The following RARB variants were observed in gnomAD, a reference collection of about 807,000 sequenced individuals.
RARB encodes the protein retinoic acid receptor beta.
RARB carries 17 observed loss-of-function variants against 51.9 expected under a neutral mutation model. That is an observed-to-expected ratio of 0.33 (90% CI 0.22 to 0.49). The LOEUF is 0.49. RARB is among the 20% of genes least tolerant of loss of function. The pLI, the probability that RARB is intolerant of heterozygous loss-of-function variation, is 0.99. For synonymous variants in RARB, 215 were observed against 195.4 expected (o/e 1.10, Z -0.84); for missense variants, 369 against 550.8 (o/e 0.67, Z 3.30).
At chr3:24,865,864 G>T (rs1395724999) in intron 2 of RARB, among the ~76,000 whole-genome samples, 11 of 152,112 alleles carry the variant, frequency 7.2e-5, no homozygotes, top group African/African-American at 2.7e-4. Flanking sequence ...CCTGAGACAT[G>T]TTGGGTCAGT....
chr3:25,163,811 A>C (rs774854257), intron 4 of RARB, among the ~76,000 whole-genome samples: 2 of 152,070 alleles, frequency 1.3e-5, no homozygotes, highest in African/African-American at 4.8e-5. Flanking sequence ...ACTCTATTCC[A>C]CTAAATTCAG....
At chr3:25,034,757 T>A (rs138599462) in intron 2 of RARB, among the ~76,000 whole-genome samples, 138 of 152,172 alleles carry the variant, frequency 9.1e-4, no homozygotes, top group Non-Finnish European at 1.7e-3. Context: ...AACGAATGAT[T>A]TGAAACATTT....
intron 5 of RARB, among the ~76,000 whole-genome samples, chr3:25,174,858 C>T (rs1215680712): frequency 2.6e-5 from 4 of 152,166 alleles, no homozygotes; most frequent in Non-Finnish European, 5.9e-5. Context: ...TATCTGTGAT[C>T]AATATCTAAA....
intron 1 of RARB, chr3:24,833,075 C>G (rs1702302344): frequency 6.6e-6 from 1 of 152,340 alleles, no homozygotes; most frequent in African/African-American, 2.4e-5. Context: ...ACCTTACTGT[C>G]TGTCCTCCTC....
At chr3:25,081,071 G>A (rs945077221) in intron 3 of RARB, among the ~76,000 whole-genome samples, 1 of 151,832 alleles carries the variant, frequency 6.6e-6, no homozygotes, top group Non-Finnish European at 1.5e-5. Context: ...CTCTCTCATG[G>A]TGAAAATTTA....
chr3:24,846,838 A>G (rs1416112753), intron 1 of RARB, among the ~76,000 whole-genome samples: 1 of 151,894 alleles, frequency 6.6e-6, no homozygotes, highest in Non-Finnish European at 1.5e-5. Flanking sequence ...CTGTGTGGCA[A>G]TGAACTTCCA....
At chr3:25,275,181 G>A (rs1703351624) in intron 5 of RARB, among the ~76,000 whole-genome samples, 2 of 152,148 alleles carry the variant, frequency 1.3e-5, no homozygotes, top group South Asian at 4.1e-4. Context: ...CCCAAGTCTG[G>A]CTAGGCGCGG....
At chr3:25,111,139 C>T (rs906352436) in intron 3 of RARB, among the ~76,000 whole-genome samples, 1 of 152,066 alleles carries the variant, frequency 6.6e-6, no homozygotes, top group Non-Finnish European at 1.5e-5. Context: ...ATATCAAATC[C>T]ATCTTGTTTT....
Position 24,874,070 on chromosome 3 carries a change from G to A in RARB, c.-380+15318G>A, listed in dbSNP as rs112210611. 7.5e-3 allele frequency among the ~76,000 whole-genome samples: 1,143 copies of A among 152,098 alleles called. 14 individuals are homozygous for A. Among genetic ancestry groups the A allele is most frequent in the African/African-American group, 0.026 (1,088 of 41,510 alleles). On this transcript the variant is annotated intron_variant, in intron 2 of 11. Transcript: ENST00000383772. Reference sequence around the variant, plus strand: ...AATCTAGAAATGATTTGAAATATACGAGAGGATGTGTGTAGGTTATATGCA... The same window carrying A: ...AATCTAGAAATGATTTGAAATATACAAGAGGATGTGTGTAGGTTATATGCA...
At chr3:25,140,084 G>GT (rs58452061) in intron 4 of RARB, among the ~76,000 whole-genome samples, 39,464 of 149,580 alleles carry the variant, frequency 0.26, 5,393 homozygotes, top group South Asian at 0.35. Flanking sequence ...CAAGGACATG[G>GT]TTTTTTTTTT....
intron 5 of RARB, among the ~76,000 whole-genome samples, chr3:25,221,823 G>T (rs1408133684): frequency 6.6e-6 from 1 of 152,168 alleles, no homozygotes; most frequent in Non-Finnish European, 1.5e-5. Flanking sequence ...GTGGATTCCA[G>T]AGTGTCTTCT....
intron 2 of RARB, among the ~76,000 whole-genome samples, chr3:24,877,739 A>T (rs920924948): frequency 1.3e-5 from 2 of 152,150 alleles, no homozygotes; most frequent in African/African-American, 2.4e-5. Flanking sequence ...GGCCTCTTTT[A>T]TGCAGAGGGA....
intron 2 of RARB, among the ~76,000 whole-genome samples, chr3:25,039,891 G>A (rs1698078112): frequency 6.6e-6 from 1 of 152,200 alleles, no homozygotes; most frequent in African/African-American, 2.4e-5. Context: ...AATCATTCGT[G>A]GCTGGGTAGA....
At chr3:25,181,591 T>A (rs116922919) in intron 5 of RARB, among the ~76,000 whole-genome samples, 1 of 152,232 alleles carries the variant, frequency 6.6e-6, no homozygotes, top group African/African-American at 2.4e-5. Flanking sequence ...AAGTGCCTCA[T>A]GTTCTCATGA....
At chr3:25,045,782 ACTT>A (rs1162210500) in intron 2 of RARB, among the ~76,000 whole-genome samples, 11 of 152,232 alleles carry the variant, frequency 7.2e-5, no homozygotes, top group African/African-American at 1.9e-4. Flanking sequence ...AAGCTTCAGA[ACTT>A]CTTAAGGTTT....
intron 1 of RARB, among the ~76,000 whole-genome samples, chr3:25,429,879 A>C (rs991466761): frequency 1.3e-5 from 2 of 152,194 alleles, no homozygotes; most frequent in African/African-American, 4.8e-5. Flanking sequence ...TGTTTTTAGT[A>C]CTTTATTTGA....
intron 5 of RARB, among the ~76,000 whole-genome samples, chr3:25,366,121 C>T (rs986740771): frequency 4.6e-5 from 7 of 152,194 alleles, no homozygotes; most frequent in African/African-American, 1.2e-4. Flanking sequence ...GGCCTTTATG[C>T]ATTATGGACT....
intron 2 of RARB, among the ~76,000 whole-genome samples, chr3:24,959,281 T>A (rs1238401030): frequency 1.3e-5 from 2 of 152,052 alleles, no homozygotes; most frequent in Non-Finnish European, 2.9e-5. Context: ...GTCACATGAA[T>A]GAATTGAAGG....
At chr3:25,354,553 G>A (rs1382866076) in intron 5 of RARB, among the ~76,000 whole-genome samples, 3 of 152,120 alleles carry the variant, frequency 2.0e-5, no homozygotes, top group African/African-American at 7.2e-5. Context: ...CATGGTACAA[G>A]CAAACCGAGT....
Sources: gnomAD v4.1 joint callset for allele counts (sites outside exome capture counted in the v4.1 genomes callset) on GRCh38, gnomAD v4.1.1 for gene constraint, MANE v1.5 for transcripts, NCBI Gene and HGNC (gene_info 2026-07-23, HGNC 2026-07-21) for gene names.